The following CSMD1 variants were observed in gnomAD, a reference collection of about 807,000 sequenced individuals.
The protein encoded by CSMD1 is CUB and Sushi multiple domains 1.
In CSMD1, 213 loss-of-function variants were observed where a neutral mutation model predicts 417.5. The observed-to-expected ratio is 0.51, with a 90% CI of 0.46 to 0.57. CSMD1 has a LOEUF of 0.57. CSMD1 is among the 20% of genes least tolerant of loss of function. The probability of loss-of-function intolerance (pLI) is 0.00; values close to 1 mark genes in which losing one functional copy is unlikely to be tolerated. For missense variants in CSMD1, 6,923 were observed against 4,529.7 expected (o/e 1.53, Z -15.17); for synonymous variants, 2,862 against 1,736.8 (o/e 1.65, Z -16.11).
intron 5 of CSMD1, among the ~76,000 whole-genome samples, chr8:3,799,939 C>G (rs1252461241): frequency 6.6e-6 from 1 of 152,110 alleles, no homozygotes; most frequent in African/African-American, 2.4e-5. Context: ...ATATCCTTAT[C>G]AATAATGGAA....
At chr8:3,476,202 A>G (rs1462355722) in intron 11 of CSMD1, among the ~76,000 whole-genome samples, 1 of 152,210 alleles carries the variant, frequency 6.6e-6, no homozygotes, top group Non-Finnish European at 1.5e-5. Context: ...GCAAAAACAA[A>G]ACAAGAGATG....
chr8:3,749,835 G>A (rs1797242681), intron 6 of CSMD1, among the ~76,000 whole-genome samples: 1 of 151,786 alleles, frequency 6.6e-6, no homozygotes, highest in Non-Finnish European at 1.5e-5. Context: ...TATGGTTAAT[G>A]AACACTGAGG....
intron 3 of CSMD1, among the ~76,000 whole-genome samples, chr8:4,318,955 A>C (rs1799101912): frequency 6.6e-6 from 1 of 152,176 alleles, no homozygotes; most frequent in African/African-American, 2.4e-5. Context: ...AAACAAAATG[A>C]AAGCACAATA....
intron 1 of CSMD1, among the ~76,000 whole-genome samples, chr8:4,820,317 C>T (rs1799448382): frequency 6.6e-6 from 1 of 152,134 alleles, no homozygotes; most frequent in Non-Finnish European, 1.5e-5. Flanking sequence ...CCATAGAAGC[C>T]TGAGTATTCA....
chr8:3,713,514 C>G (rs1465380220), intron 6 of CSMD1, among the ~76,000 whole-genome samples: 1 of 152,102 alleles, frequency 6.6e-6, no homozygotes, highest in Non-Finnish European at 1.5e-5. Context: ...TCTGCCCCAG[C>G]CCCCACAGCC....
At chr8:3,304,230 A>T (rs932295369) in intron 25 of CSMD1, among the ~76,000 whole-genome samples, 3 of 152,144 alleles carry the variant, frequency 2.0e-5, no homozygotes, top group Admixed American at 6.6e-5. Context: ...CCCTGTGTTC[A>T]TATTTATATG....
At chr8:4,514,523 G>C (rs577216635) in intron 2 of CSMD1, among the ~76,000 whole-genome samples, 143 of 152,294 alleles carry the variant, frequency 9.4e-4, no homozygotes, top group Non-Finnish European at 1.4e-3. Flanking sequence ...AACATCGTGA[G>C]TTAAAGAACT....
At chr8:4,974,160 G>T (rs962139060) in intron 1 of CSMD1, among the ~76,000 whole-genome samples, 7 of 150,820 alleles carry the variant, frequency 4.6e-5, no homozygotes, top group Non-Finnish European at 8.8e-5. Context: ...GAGATTACAG[G>T]CACATGCCAC....
intron 2 of CSMD1, among the ~76,000 whole-genome samples, chr8:4,451,913 G>A (rs768229248): frequency 1.7e-4 from 25 of 149,794 alleles, no homozygotes; most frequent in African/African-American, 2.7e-4. Context: ...AATGATACCT[G>A]CCCAGAGATG....
rs566026036 is a variant in CSMD1 at position 3,824,367 on chromosome 8, C to T, written c.819-70325G>A. 2.6e-4 allele frequency among the ~76,000 whole-genome samples: 39 copies of T among 152,224 alleles called. No individual in the cohort carries two copies. In the South Asian group the frequency reaches 3.7e-3, roughly 15 times the overall value. On this transcript the variant is annotated intron_variant, in intron 5 of 69. Coordinates refer to ENST00000635120, the MANE Select transcript of CSMD1 (RefSeq NM_033225.6). Reference sequence around the variant, plus strand: ...ATGTGCAAAGTTTGTCAAATGACGGCGATTTCCCTCCCAAAGCTCAGAGTG... The same window carrying T: ...ATGTGCAAAGTTTGTCAAATGACGGTGATTTCCCTCCCAAAGCTCAGAGTG...
rs567719059 is a variant in CSMD1, at chr8:4,024,121, G to C, written c.610+7784C>G. Reference sequence around the variant, plus strand: ...CACATCTTACTAAATGGAAAGACAAGAGATGTTACCAAAAATTAAAGAAAT... The same window carrying C: ...CACATCTTACTAAATGGAAAGACAACAGATGTTACCAAAAATTAAAGAAAT... On this transcript the variant is annotated intron_variant, in intron 4 of 69. Coordinates refer to ENST00000635120, the MANE Select transcript of CSMD1 (RefSeq NM_033225.6). Among the ~76,000 whole-genome samples, 9 of 152,040 alleles carry C rather than the reference G, an allele frequency of 5.9e-5. No homozygotes were observed. In the East Asian group the frequency reaches 7.7e-4, roughly 13 times the overall value.
At chr8:4,894,803 G>A (rs894911148) in intron 1 of CSMD1, among the ~76,000 whole-genome samples, 9 of 151,868 alleles carry the variant, frequency 5.9e-5, no homozygotes, top group Non-Finnish European at 1.2e-4. Context: ...ATTTCCTCAT[G>A]AACGGACAAC....
chr8:3,398,148 T>C (rs950627959), intron 16 of CSMD1, among the ~76,000 whole-genome samples: 8 of 152,132 alleles, frequency 5.3e-5, no homozygotes, highest in Non-Finnish European at 8.8e-5. Flanking sequence ...GAGAAGAATA[T>C]AGGATCACTA....
At chr8:4,682,938 G>A (rs955068658) in intron 1 of CSMD1, among the ~76,000 whole-genome samples, 2 of 129,474 alleles carry the variant, frequency 1.5e-5, no homozygotes, top group African/African-American at 5.8e-5. Flanking sequence ...CATTTCTTTA[G>A]GAGCAATAAG....
chr8:4,972,461 T>C (rs1037195816), intron 1 of CSMD1, among the ~76,000 whole-genome samples: 3 of 152,176 alleles, frequency 2.0e-5, no homozygotes, highest in African/African-American at 4.8e-5. Context: ...TCTTCCTGTG[T>C]TCATTCTCCT....
At chr8:3,736,514 G>A (rs1239533363) in intron 6 of CSMD1, among the ~76,000 whole-genome samples, 1 of 152,138 alleles carries the variant, frequency 6.6e-6, no homozygotes, top group African/African-American at 2.4e-5. Context: ...CAAATTGCTG[G>A]GATCACTGGT....
chr8:3,312,739 C>T (rs1271458183), intron 23 of CSMD1, among the ~76,000 whole-genome samples: 1 of 152,150 alleles, frequency 6.6e-6, no homozygotes, highest in Non-Finnish European at 1.5e-5. Context: ...GAGAAGAGTG[C>T]TGCCTCCACC....
At chr8:3,713,311 C>T (rs533458624) in intron 6 of CSMD1, among the ~76,000 whole-genome samples, 13 of 152,218 alleles carry the variant, frequency 8.5e-5, no homozygotes, top group African/African-American at 2.2e-4. Flanking sequence ...GAAAATGTGA[C>T]GAAACCATTA....
intron 3 of CSMD1, among the ~76,000 whole-genome samples, chr8:4,398,044 T>A (rs1804377032): frequency 6.6e-6 from 1 of 152,202 alleles, no homozygotes; most frequent in Non-Finnish European, 1.5e-5. Flanking sequence ...ACTTGGTATC[T>A]CTCTAGAAAT....
Sources: gnomAD v4.1 joint callset for allele counts (sites outside exome capture counted in the v4.1 genomes callset) on GRCh38, gnomAD v4.1.1 for gene constraint, MANE v1.5 for transcripts, NCBI Gene and HGNC (gene_info 2026-07-23, HGNC 2026-07-21) for gene names.